Variants in THEM4 observed in about 807,000 individuals in gnomAD.
The protein encoded by THEM4 is acyl-coenzyme A thioesterase THEM4.
In THEM4, 22 loss-of-function variants were observed where a neutral mutation model predicts 25.0. The ratio of observed to expected loss-of-function variants is 0.88; its 90% CI spans 0.63 to 1.26. THEM4 has a LOEUF of 1.26. Among genes scored for constraint, THEM4 ranks in the 50% most tolerant of loss-of-function variants. The probability of loss-of-function intolerance (pLI) is 0.00; values close to 1 mark genes in which losing one functional copy is unlikely to be tolerated. For synonymous variants in THEM4, 113 were observed against 105.6 expected, an observed-to-expected ratio of 1.07 and a Z score of -0.43; for missense variants, 286 against 300.3, an observed-to-expected ratio of 0.95 and a Z score of 0.35.
At chr1:151,889,576 T>C (rs1654045010) in intron 2 of THEM4, 1 of 515,324 alleles carries the variant, frequency 1.9e-6, no homozygotes, top group African/African-American at 1.9e-5. Flanking sequence ...ACAGTCCAAC[T>C]GGGGACAGAG....
chr1:151,884,735 C>T (rs1558189953), intron 4 of THEM4, among the ~76,000 whole-genome samples: 1 of 149,894 alleles, frequency 6.7e-6, no homozygotes. Flanking sequence ...GTCGCCCAGG[C>T]TGGGGTACAA....
At chr1:151,908,287 T>C (rs1470002045) in intron 1 of THEM4, among the ~76,000 whole-genome samples, 2 of 152,250 alleles carry the variant, frequency 1.3e-5, no homozygotes, top group Non-Finnish European at 2.9e-5. Context: ...CTGTGTGTTT[T>C]GCATGTCTTT....
intron 4 of THEM4, 88 bp downstream of exon 4, chr1:151,888,185 T>C: frequency 9.7e-7 from 1 of 1,029,914 alleles, no homozygotes; most frequent in East Asian, 2.6e-5. Flanking sequence ...TAATAATCAC[T>C]TGAACACAAA....
intron 2 of THEM4, among the ~76,000 whole-genome samples, chr1:151,893,275 G>C (rs900356865): frequency 2.0e-5 from 3 of 151,844 alleles, no homozygotes; most frequent in African/African-American, 7.3e-5. Context: ...GAGAGGTTGA[G>C]GTGGGAGAAT....
intron 2 of THEM4, chr1:151,890,556 G>A: frequency 5.7e-6 from 1 of 175,304 alleles, no homozygotes; most frequent in South Asian, 1.1e-4. Flanking sequence ...GGAGAAGTGG[G>A]GAGAGGGACA....
At chr1:151,908,212 G>A (rs529938270) in intron 1 of THEM4, among the ~76,000 whole-genome samples, 2 of 152,300 alleles carry the variant, frequency 1.3e-5, no homozygotes, top group Non-Finnish European at 2.9e-5. Flanking sequence ...GAGGATTACC[G>A]TTTATATTTT....
rs776463445 is a variant in THEM4 at position 151,893,377 on chromosome 1, C to CAAAAAAAAA, written c.286+1630_286+1631insTTTTTTTTT. Among the ~76,000 whole-genome samples, 57 of 130,262 alleles carry CAAAAAAAAA rather than the reference C, an allele frequency of 4.4e-4. 1 individual carries two copies. The highest frequency in any genetic ancestry group is 6.6e-4 in the Non-Finnish European group (42 of 63,184). 85.5% of individuals were successfully genotyped at this position (130,262 alleles called of 152,430 possible). On this transcript the variant is annotated intron_variant, in intron 2 of 5. Coordinates refer to ENST00000368814, the MANE Select transcript of THEM4 (RefSeq NM_053055.5). ...ACTCAGTGAGACTCATTCTCAAAAC[C>CAAAAAAAAA]AAAAACAAAAAAAACAAAAAAACAA... is the stretch of plus-strand genomic sequence containing the variant.
chr1:151,874,575 G>A lies in THEM4; in HGVS notation c.*313C>T, dbSNP rs1311520231. ...ATTTTAGTAGAGACGGAGTTTCATC[G>A]TGTTGCCCAGACTGATCTTGAACTC... is the stretch of plus-strand genomic sequence containing the variant. On this transcript the variant is annotated 3_prime_UTR_variant, in exon 6 of 6. Transcript: ENST00000368814. 10 of 341,102 alleles carry A rather than the reference G, an allele frequency of 2.9e-5. No homozygotes were observed. Among genetic ancestry groups the A allele is most frequent in the Admixed American group, 9.1e-5 (2 of 22,052 alleles). The allele number at this position is 341,102 out of a possible 1,614,324, so 21.1% of individuals were successfully genotyped here. A position where few individuals can be genotyped will look rare whatever the true frequency, so the allele number is the denominator to read the frequency against.
intron 4 of THEM4, among the ~76,000 whole-genome samples, chr1:151,883,196 C>T (rs1318967942): frequency 1.3e-5 from 2 of 151,782 alleles, no homozygotes; most frequent in Admixed American, 6.6e-5. Flanking sequence ...CGGCTCACTG[C>T]AACTCTCAGG....
chr1:151,900,241 A>C (rs538010180), intron 1 of THEM4, among the ~76,000 whole-genome samples: 1 of 152,274 alleles, frequency 6.6e-6, no homozygotes, highest in Non-Finnish European at 1.5e-5. Flanking sequence ...TAAAACAAAA[A>C]TACAAGTTAA....
At chr1:151,901,881 T>G (rs1013085215) in intron 1 of THEM4, among the ~76,000 whole-genome samples, 6 of 151,998 alleles carry the variant, frequency 3.9e-5, no homozygotes, top group African/African-American at 1.4e-4. Context: ...AAAAAAACCA[T>G]GCTCCTGAAT....
At chr1:151,898,653 C>A (rs1325205278) in intron 1 of THEM4, among the ~76,000 whole-genome samples, 2 of 152,240 alleles carry the variant, frequency 1.3e-5, no homozygotes, top group African/African-American at 4.8e-5. Context: ...GAGCATTAAA[C>A]CAAAGCTAAG....
At chr1:151,875,461 G>A (rs777439924) in intron 5 of THEM4, among the ~76,000 whole-genome samples, 1 of 152,082 alleles carries the variant, frequency 6.6e-6, no homozygotes, top group Non-Finnish European at 1.5e-5. Flanking sequence ...TGTTCATAAA[G>A]AAGATACCTT....
intron 1 of THEM4, among the ~76,000 whole-genome samples, chr1:151,906,520 G>C (rs916513315): frequency 2.0e-5 from 3 of 152,220 alleles, no homozygotes; most frequent in Admixed American, 2.0e-4. Context: ...TGAGGAGTGT[G>C]GGCACACAGC....
chr1:151,889,144 G>GTACA lies in THEM4; in HGVS notation c.446+66_446+69dup, dbSNP rs1410244966. The stretch of plus-strand genomic sequence containing the variant: ...TTTGAAAATCTTTATTGTAGTCCAT[G>GTACA]TACAGGACACATGGGGGCAGTGTAA... On this transcript the variant is annotated intron_variant, in intron 3 of 5. Transcript: ENST00000368814. The GTACA allele has an allele frequency of 3.0e-6, 4 of 1,324,728 alleles. No individual in the cohort carries two copies. The African/African-American group carries it at 5.8e-5, about 19-fold the overall frequency. 82.1% of individuals were successfully genotyped at this position (1,324,728 alleles called of 1,614,324 possible). A position where few individuals can be genotyped will look rare whatever the true frequency, so the allele number is the denominator to read the frequency against.
rs773198128 is a variant in THEM4, at chr1:151,874,853, G to A, written c.*35C>T. ...TTGGGGGACAACTGCTTCTTCTGGA[G>A]GGGCGAGAATGAGATGGAGTTCACC... On this transcript the variant is annotated 3_prime_UTR_variant, in exon 6 of 6. Transcript: ENST00000368814. The A allele has an allele frequency of 6.2e-7, 1 of 1,606,366 alleles. No homozygotes were observed. Among genetic ancestry groups the A allele is most frequent in the Admixed American group, 1.7e-5 (1 of 60,012 alleles).
chr1:151,907,833 G>A (rs1376627244), intron 1 of THEM4, among the ~76,000 whole-genome samples: 1 of 152,224 alleles, frequency 6.6e-6, no homozygotes, highest in Non-Finnish European at 1.5e-5. Context: ...AGACAGTTGG[G>A]TGGGGTAGCT....
chr1:151,876,855 G>T, intron 5 of THEM4, 146 bp downstream of exon 5: 3 of 901,882 alleles, frequency 3.3e-6, no homozygotes, highest in Non-Finnish European at 5.0e-6. Context: ...GGCATGTATG[G>T]GTTATAATAC....
intron 1 of THEM4, among the ~76,000 whole-genome samples, chr1:151,906,223 A>C (rs1028517464): frequency 6.6e-6 from 1 of 152,138 alleles, no homozygotes; most frequent in African/African-American, 2.4e-5. Flanking sequence ...CGGGCCCTGC[A>C]CTCGGAGCAG....
Sources: gnomAD v4.1 joint callset for allele counts (sites outside exome capture counted in the v4.1 genomes callset) on GRCh38, gnomAD v4.1.1 for gene constraint, MANE v1.5 for transcripts, NCBI Gene and HGNC (gene_info 2026-07-23, HGNC 2026-07-21) for gene names.